Variants in PFKL observed in about 807,000 individuals in gnomAD.
The protein encoded by PFKL is ATP-dependent 6-phosphofructokinase, liver type.
PFKL carries 74 observed loss-of-function variants against 92.1 expected under a neutral mutation model. That is an observed-to-expected ratio of 0.80 (90% CI 0.67 to 0.97). The LOEUF (loss-of-function observed/expected upper bound fraction) is 0.97, where lower values mean the gene tolerates loss of function less well. Ranked by LOEUF, PFKL falls within the 50% of genes least tolerant of loss-of-function variation. The pLI, the probability that PFKL is intolerant of heterozygous loss-of-function variation, is 0.00. For missense variants in PFKL, 1,028 were observed against 1,116.6 expected, an observed-to-expected ratio of 0.92 and a Z score of 1.13; for synonymous variants, 494 against 456.4, an observed-to-expected ratio of 1.08 and a Z score of -1.05.
intron 4 of PFKL, among the ~76,000 whole-genome samples, chr21:44,312,709 G>A (rs1258556997): frequency 2.0e-5 from 3 of 152,238 alleles, no homozygotes; most frequent in African/African-American, 7.2e-5. Flanking sequence ...AGCCATGTCT[G>A]TTCCATGTCC....
At chr21:44,325,395 T>C in intron 19 of PFKL, 131 bp downstream of exon 19, 1 of 656,260 alleles carries the variant, frequency 1.5e-6, no homozygotes. Flanking sequence ...ACGTGTGCCC[T>C]TCCCCAGTGA....
chr21:44,300,630 G>C (rs1011221061), intron 1 of PFKL, among the ~76,000 whole-genome samples: 1 of 152,234 alleles, frequency 6.6e-6, no homozygotes, highest in Non-Finnish European at 1.5e-5. Context: ...CCGGCTGGGC[G>C]GGGGCGGACT....
intron 6 of PFKL, 97 bp downstream of exon 6, chr21:44,313,779 A>G (rs1390022736): frequency 7.2e-6 from 10 of 1,394,382 alleles, no homozygotes; most frequent in Non-Finnish European, 8.9e-6. Flanking sequence ...AGTTAATGCC[A>G]TGGGTGTGAG....
chr21:44,323,870 C>A lies in PFKL; in HGVS notation c.1602C>A (p.Gly534=). 1 of 1,613,572 alleles carries A rather than the reference C, an allele frequency of 6.2e-7. No homozygotes were observed. The highest frequency in any genetic ancestry group is 8.5e-7 in the Non-Finnish European group (1 of 1,179,960). ...CCACCATCAGCAACAACGTCCCTGG[C>A]ACCGACTTCAGCCTGGGCTCCGACA... The part of the protein sequence containing the change: ...IPATISNNVP[G]TDFSLGSDTA... Residue 534 remains glycine (G), a synonymous_variant, in exon 16 of 22, where the codon GGC becomes GGA. Coordinates refer to ENST00000349048, the MANE Select transcript of PFKL (RefSeq NM_002626.6).
rs1333287039 is a variant in PFKL, at chr21:44,313,227, G to T, written c.593+84G>T. 4.8e-6 allele frequency: 7 copies of T among 1,466,058 alleles called. No individual in the cohort carries two copies. The South Asian group carries it at 5.9e-5, about 12-fold the overall frequency. The allele number at this position is 1,466,058 out of a possible 1,614,324, so 90.8% of individuals were successfully genotyped here. A position where few individuals can be genotyped will look rare whatever the true frequency, so the allele number is the denominator to read the frequency against. ...GGTGGTCTCAGGGTGACGGCCATCTGCAAGGGCAGTGGACTCTGGTAGCCC... is the reference window on the plus strand; with the variant it reads ...GGTGGTCTCAGGGTGACGGCCATCTTCAAGGGCAGTGGACTCTGGTAGCCC... On this transcript the variant is annotated intron_variant, in intron 5 of 21. Coordinates refer to ENST00000349048, the MANE Select transcript of PFKL (RefSeq NM_002626.6).
chr21:44,316,242 A>C lies in PFKL; in HGVS notation c.748-2A>C. On this transcript the variant is annotated splice_acceptor_variant, in intron 7 of 21. Coordinates refer to ENST00000349048, the MANE Select transcript of PFKL (RefSeq NM_002626.6). LOFTEE classifies it high-confidence loss of function. ...CTGAGCCCTGTCGTGTCTTTGACCC[A>C]GACTCGGAGCCGTGGGTCCCGACTG... The C allele has an allele frequency of 6.2e-7, 1 of 1,612,896 alleles. No individual in the cohort carries two copies. Among genetic ancestry groups the C allele is most frequent in the Non-Finnish European group, 8.5e-7 (1 of 1,179,868 alleles).
At chr21:44,309,353 G>A (rs2041048685) in intron 2 of PFKL, among the ~76,000 whole-genome samples, 1 of 152,064 alleles carries the variant, frequency 6.6e-6, no homozygotes, top group Admixed American at 6.6e-5. Flanking sequence ...GGAGGGCCCT[G>A]AGCCTGGGTC....
intron 7 of PFKL, 154 bp downstream of exon 7, chr21:44,314,175 G>C (rs185330730): frequency 8.0e-6 from 5 of 624,658 alleles, no homozygotes; most frequent in Admixed American, 2.6e-5. Flanking sequence ...CGCAAGGAGT[G>C]GGGGGCTACG....
intron 1 of PFKL, among the ~76,000 whole-genome samples, chr21:44,302,454 A>G (rs3788115): frequency 0.34 from 52,142 of 152,022 alleles, 10,047 homozygotes; most frequent in African/African-American, 0.52. Context: ...AGCAGTCTGC[A>G]GGGCTCTCCC....
intron 2 of PFKL, among the ~76,000 whole-genome samples, chr21:44,308,550 G>A (rs937609813): frequency 6.7e-6 from 1 of 149,002 alleles, no homozygotes; most frequent in African/African-American, 2.5e-5. Flanking sequence ...TGATTCTAGG[G>A]GGGTAGGAAT....
chr21:44,313,158 C>T lies in PFKL; in HGVS notation c.593+15C>T, dbSNP rs532771392. ...ACTGCCCAGAGGTGAGTGAGGCTGG[C>T]GCCGGCGGCCAGCCCAGGGCCCCTC... is the stretch of plus-strand genomic sequence containing the variant. On this transcript the variant is annotated intron_variant, in intron 5 of 21. Coordinates refer to ENST00000349048, the MANE Select transcript of PFKL (RefSeq NM_002626.6). 16 of 1,611,390 alleles carry T rather than the reference C, an allele frequency of 9.9e-6. No individual in the cohort carries two copies. The highest frequency in any genetic ancestry group is 8.9e-5 in the East Asian group (4 of 44,854).
At chr21:44,324,802 C>A in intron 17 of PFKL, 54 bp from the exon 18 acceptor site, 8 of 1,591,020 alleles carry the variant, frequency 5.0e-6, no homozygotes, top group Non-Finnish European at 6.9e-6. Context: ...GCCGGTCAGC[C>A]TGGAATTCCC....
At position 44,316,539 on chromosome 21, in the gene PFKL, C is replaced by G. The variant is rs1408265224; in HGVS notation, c.936+15C>G. Reference sequence around the variant, plus strand: ...ACCGGATCCTGGTAAGTGGCCATCACCCTGCCCTGCGTACGTGCGTGGGTA... The same window carrying G: ...ACCGGATCCTGGTAAGTGGCCATCAGCCTGCCCTGCGTACGTGCGTGGGTA... On this transcript the variant is annotated intron_variant, in intron 9 of 21. Transcript: ENST00000349048. The G allele has an allele frequency of 6.4e-7, 1 of 1,574,218 alleles. No homozygotes were observed. Among genetic ancestry groups the G allele is most frequent in the South Asian group, 1.2e-5 (1 of 86,146 alleles).
chr21:44,316,481 AC>A lies in PFKL; in HGVS notation c.894del (p.His298GlnfsTer15). On this transcript the variant is annotated frameshift_variant, in exon 9 of 22. Coordinates refer to ENST00000349048, the MANE Select transcript of PFKL (RefSeq NM_002626.6). LOFTEE classifies it high-confidence loss of function. ...GFDTRVTVLG[H>X]VQRGGTPSAF... Reference sequence around the variant, plus strand: ...GACACCCGTGTAACTGTGCTGGGCCACGTGCAGCGGGGAGGGACGCCCTCTG... The same window carrying A: ...GACACCCGTGTAACTGTGCTGGGCCAGTGCAGCGGGGAGGGACGCCCTCTG... The A allele has an allele frequency of 6.2e-7, 1 of 1,608,852 alleles. No individual in the cohort carries two copies.
chr21:44,316,656 GTGTGTGGGGGTGTA>G (rs991852073), intron 9 of PFKL, 132 bp downstream of exon 9: 27 of 668,622 alleles, frequency 4.0e-5, no homozygotes, highest in African/African-American at 2.2e-4. Context: ...GTCCGTGTCT[GTGTGTGGGGGTGTA>G]TGTGTGGGGG....
Position 44,327,031 on chromosome 21 carries a change from G to T in PFKL, c.*169G>T, listed in dbSNP as rs1241326926. The T allele has an allele frequency of 4.7e-6, 3 of 632,624 alleles. No individual in the cohort carries two copies. The highest frequency in any genetic ancestry group is 8.3e-6 in the Non-Finnish European group (3 of 363,036). 39.2% of individuals were successfully genotyped at this position (632,624 alleles called of 1,614,324 possible). A position where few individuals can be genotyped will look rare whatever the true frequency, so the allele number is the denominator to read the frequency against. On this transcript the variant is annotated 3_prime_UTR_variant, in exon 22 of 22. Coordinates refer to ENST00000349048, the MANE Select transcript of PFKL (RefSeq NM_002626.6). ...CTGGCCACCTGCCAGGCCTCCCTCG[G>T]GCTGGTGTCTTGAGACCAGCCTGCC...
chr21:44,307,769 T>G (rs1332173270), intron 2 of PFKL, among the ~76,000 whole-genome samples: 2 of 152,158 alleles, frequency 1.3e-5, no homozygotes, highest in Non-Finnish European at 2.9e-5. Context: ...CTCAGAGCCC[T>G]GGGGAGCTGG....
chr21:44,300,319 CGCCCCGGCCTCCT>C (rs779637365), intron 1 of PFKL, 129 bp downstream of exon 1: 16,513 of 267,638 alleles, frequency 0.062, 601 homozygotes, highest in South Asian at 0.1. Flanking sequence ...CCCGGCCTCC[CGCCCCGGCCTCCT>C]GCCCCGGGTC....
intron 1 of PFKL, chr21:44,305,926 A>T: frequency 7.3e-7 from 1 of 1,362,174 alleles, no homozygotes; most frequent in Non-Finnish European, 9.8e-7. Context: ...CATCATGTCC[A>T]GGCTGGGGGG....
Sources: allele counts gnomAD v4.1 joint callset (sites outside exome capture counted in the v4.1 genomes callset), GRCh38; gene constraint gnomAD v4.1.1; transcripts MANE v1.5; gene names NCBI Gene and HGNC (gene_info 2026-07-23, HGNC 2026-07-21).